Variants in IGSF21 observed in about 807,000 individuals in gnomAD.
The protein encoded by IGSF21 is immunoglobulin superfamily member 21.
Under a neutral mutation model 46.8 loss-of-function variants are expected in IGSF21, and 28 were observed. That is an observed-to-expected ratio of 0.60 (90% CI 0.44 to 0.82). IGSF21 has a LOEUF of 0.82. IGSF21 is among the 40% of genes least tolerant of loss of function. IGSF21 has a pLI of 0.00. For missense variants in IGSF21, 624 were observed against 665.5 expected, an observed-to-expected ratio of 0.94 and a Z score of 0.69; for synonymous variants, 284 against 273.6, an observed-to-expected ratio of 1.04 and a Z score of -0.38.
chr1:18,340,709 C>T (rs190408651), intron 4 of IGSF21, among the ~76,000 whole-genome samples: 1 of 152,104 alleles, frequency 6.6e-6, no homozygotes, highest in African/African-American at 2.4e-5. Flanking sequence ...CCATGCTCCC[C>T]ATGCAAGGGA....
intron 3 of IGSF21, among the ~76,000 whole-genome samples, chr1:18,300,046 G>A (rs144741122): frequency 6.6e-6 from 1 of 152,246 alleles, no homozygotes; most frequent in Non-Finnish European, 1.5e-5. Context: ...GCAAAATAGT[G>A]AGACTTCTTC....
intron 2 of IGSF21, among the ~76,000 whole-genome samples, chr1:18,235,969 G>A (rs1258127762): frequency 1.3e-5 from 2 of 152,132 alleles, no homozygotes; most frequent in East Asian, 3.9e-4. Context: ...GAAGTTAAGG[G>A]CTTGCTAACA....
At chr1:18,172,453 C>T (rs1356061845) in intron 1 of IGSF21, among the ~76,000 whole-genome samples, 1 of 152,170 alleles carries the variant, frequency 6.6e-6, no homozygotes, top group Non-Finnish European at 1.5e-5. Flanking sequence ...CCTCACAGTT[C>T]TGGAGGCTGG....
chr1:18,109,298 A>C lies in IGSF21; in HGVS notation c.70+1100A>C, dbSNP rs759740482. The C allele has an allele frequency of 3.3e-5, 5 of 151,818 alleles. No homozygotes were observed. The highest frequency in any genetic ancestry group is 5.9e-5 in the Non-Finnish European group (4 of 67,994). 9.4% of individuals were successfully genotyped at this position (151,818 alleles called of 1,614,324 possible). A position where few individuals can be genotyped will look rare whatever the true frequency, so the allele number is the denominator to read the frequency against. On this transcript the variant is annotated intron_variant, in intron 1 of 9. Transcript: ENST00000251296. This position sits in a 1 kb window ranked among gnomAD's most constrained non-coding sequence, Gnocchi z 4.8. ...GCTCCGCGTCCGGGATCCTCCTCGG[A>C]GCCTGGTGCCAACCTCAGCCTGGCT...
rs1264373336 is a variant in IGSF21 at position 18,365,576 on chromosome 1, T to C, written c.894T>C (p.Thr298=). 4.3e-6 allele frequency: 7 copies of C among 1,613,946 alleles called. No individual in the cohort carries two copies. The highest frequency in any genetic ancestry group is 5.9e-6 in the Non-Finnish European group (7 of 1,180,046). Residue 298 remains threonine, a synonymous_variant, in exon 6 of 10, where the codon ACT becomes ACC. Coordinates refer to ENST00000251296, the MANE Select transcript of IGSF21 (RefSeq NM_032880.5). The surrounding 1 kb of genome is among the most constrained non-coding windows in gnomAD (Gnocchi z 4.8). ...GCCGCACCCCGAGCAGTGACGGCAC[T>C]GTGGAAGTACGTGCCCTGCTCACCT... ...RHSRTPSSDG[T]VEVRALLTWT... is the part of the protein sequence containing the mutation.
chr1:18,164,185 G>A (rs553907421), intron 1 of IGSF21, among the ~76,000 whole-genome samples: 2 of 152,286 alleles, frequency 1.3e-5, no homozygotes, highest in Admixed American at 1.3e-4. Flanking sequence ...GGCAAGGTAA[G>A]TAACTTACTC....
intron 2 of IGSF21, among the ~76,000 whole-genome samples, chr1:18,282,135 G>A (rs972257436): frequency 6.6e-6 from 1 of 152,162 alleles, no homozygotes; most frequent in African/African-American, 2.4e-5. Context: ...CCCTGGGAAA[G>A]CTGCAAAGAG....
intron 1 of IGSF21, among the ~76,000 whole-genome samples, chr1:18,225,077 TCTCTCTCTCACA>T (rs1366690092): frequency 9.0e-4 from 35 of 38,814 alleles, no homozygotes; most frequent in Admixed American, 1.9e-3. Flanking sequence ...TCTCTCTCTC[TCTCTCTCTCACA>T]CACACACACA....
intron 2 of IGSF21, among the ~76,000 whole-genome samples, chr1:18,253,793 C>G (rs1352764076): frequency 6.6e-6 from 1 of 152,174 alleles, no homozygotes; most frequent in Non-Finnish European, 1.5e-5. Flanking sequence ...TCCTAGAAGG[C>G]TCCAGAGAGA....
intron 3 of IGSF21, among the ~76,000 whole-genome samples, chr1:18,324,275 T>C (rs1182953008): frequency 1.3e-5 from 2 of 152,162 alleles, no homozygotes; most frequent in Admixed American, 1.3e-4. Context: ...CGTTGTGTGG[T>C]GAAAAGAGCA....
intron 3 of IGSF21, among the ~76,000 whole-genome samples, chr1:18,325,533 T>C (rs894748382): frequency 6.6e-6 from 1 of 152,174 alleles, no homozygotes. Context: ...CTCTTTCCTA[T>C]GTGGCTGGGG....
rs137979004 is a variant in IGSF21 at position 18,338,894 on chromosome 1, G to A, written c.424+3884G>A. ...TTTGAAGGTTCTTCTGGGGGTGCAG[G>A]TTAGGGGGGAGGGAGCGTGTTAAGG... On this transcript the variant is annotated intron_variant, in intron 4 of 9. Coordinates refer to ENST00000251296, the MANE Select transcript of IGSF21 (RefSeq NM_032880.5). Among the ~76,000 whole-genome samples, 370 of 151,858 alleles carry A rather than the reference G, an allele frequency of 2.4e-3. 1 individual carries two copies. The highest frequency in any genetic ancestry group is 8.3e-3 in the African/African-American group (345 of 41,410).
In IGSF21 at chr1:18,264,522, G is replaced by A. The variant is rs186190048; in HGVS notation, c.184-27344G>A. ...GAAATGGGGGAGAGAACACATGGAC[G>A]GAGGGAGCCCAGAGCAGGGATTATT... On this transcript the variant is annotated intron_variant, in intron 2 of 9. Coordinates refer to ENST00000251296, the MANE Select transcript of IGSF21 (RefSeq NM_032880.5). Among the ~76,000 whole-genome samples, 35 of 152,232 alleles carry A rather than the reference G, an allele frequency of 2.3e-4. No homozygotes were observed. The East Asian group carries it at 4.4e-3, about 19-fold the overall frequency.
intron 1 of IGSF21, among the ~76,000 whole-genome samples, chr1:18,187,327 C>A (rs984819121): frequency 1.3e-5 from 2 of 152,052 alleles, no homozygotes; most frequent in African/African-American, 4.8e-5. Flanking sequence ...TGTATTAGTC[C>A]GTTTTCACTC....
chr1:18,289,001 C>T (rs1569734541), intron 2 of IGSF21, among the ~76,000 whole-genome samples: 1 of 152,164 alleles, frequency 6.6e-6, no homozygotes, highest in Non-Finnish European at 1.5e-5. Context: ...CAGAGATTTA[C>T]GACTCGGATA....
chr1:18,269,724 C>T (rs114693036), intron 2 of IGSF21, among the ~76,000 whole-genome samples: 36 of 152,282 alleles, frequency 2.4e-4, no homozygotes, highest in African/African-American at 7.7e-4. Flanking sequence ...CTCATCCCTC[C>T]AGCAGCAAGG....
chr1:18,206,617 G>A (rs1016841351), intron 1 of IGSF21, among the ~76,000 whole-genome samples: 14 of 152,062 alleles, frequency 9.2e-5, no homozygotes, highest in African/African-American at 3.4e-4. Flanking sequence ...GTGTGGGAAT[G>A]AGCTTGGGAT....
intron 4 of IGSF21, among the ~76,000 whole-genome samples, chr1:18,348,587 C>T (rs1462862870): frequency 6.6e-6 from 1 of 152,154 alleles, no homozygotes; most frequent in African/African-American, 2.4e-5. Context: ...GTTGAAACTG[C>T]AGTGCCTCGG....
chr1:18,327,303 T>C (rs1022484107), intron 3 of IGSF21, among the ~76,000 whole-genome samples: 4 of 152,180 alleles, frequency 2.6e-5, no homozygotes, highest in Non-Finnish European at 5.9e-5. Flanking sequence ...CAAAAACTCA[T>C]GAAAAACCAA....
Sources: gnomAD v4.1 joint callset for allele counts (sites outside exome capture counted in the v4.1 genomes callset) on GRCh38, gnomAD v4.1.1 for gene constraint, Gnocchi (gnomAD v3.1) non-coding constraint, MANE v1.5 for transcripts, NCBI Gene and HGNC (gene_info 2026-07-23, HGNC 2026-07-21) for gene names.